Variants in FBH1 observed in about 807,000 individuals in gnomAD.
FBH1 encodes F-box DNA helicase 1, also known as DNA 3'-5' helicase 1.
A neutral mutation model predicts 115.5 loss-of-function variants in FBH1; 43 were observed. That is an observed-to-expected ratio of 0.37 (90% CI 0.29 to 0.48). FBH1 has a LOEUF of 0.48. FBH1 is among the 20% of genes least tolerant of loss of function. FBH1 has a pLI of 0.99. For missense variants in FBH1, 1,001 were observed against 1,337.3 expected, an observed-to-expected ratio of 0.75 and a Z score of 3.92; for synonymous variants, 524 against 507.8, an observed-to-expected ratio of 1.03 and a Z score of -0.43.
In FBH1 at chr10:5,937,170, G is replaced by A. The variant is rs1224521386; in HGVS notation, c.3022G>A (p.Gly1008Arg). The A allele has an allele frequency of 1.9e-6, 3 of 1,613,892 alleles. No individual in the cohort carries two copies. Among genetic ancestry groups the A allele is most frequent in the African/African-American group, 1.3e-5 (1 of 74,924 alleles). ...CCACTCCTGTGCGGAGCAGCGCATC[G>A]GGCCCCTGGCGTTCCTGACAGCCTC... The part of the protein sequence containing the change: ...LCHSCAEQRI[G>R]PLAFLTASPE... Residue 1008 changes from glycine to arginine, a missense_variant, in exon 21 of 21, where the codon GGG becomes AGG. Around this residue, in one of 4 missense-constraint regions of FBH1, gnomAD observed 521 missense variants for 811.0 expected, o/e 0.64. Transcript: ENST00000362091.
Position 5,913,631 on chromosome 10 carries a change from G to T in FBH1, c.1212-116G>T. 3.0e-6 allele frequency: 2 copies of T among 659,504 alleles called. No individual in the cohort carries two copies. The highest frequency in any genetic ancestry group is 5.1e-6 in the Non-Finnish European group (2 of 394,624). 40.9% of individuals were successfully genotyped at this position (659,504 alleles called of 1,614,324 possible). ...TTTTCTTTCTTTTTTCCATTAAATG[G>T]TGGTAGGTATTTTCTTTTTAGAAAT... On this transcript the variant is annotated intron_variant, in intron 6 of 20. Coordinates refer to ENST00000362091, the MANE Select transcript of FBH1 (RefSeq NM_178150.3). This position sits in a 1 kb window ranked among gnomAD's most constrained non-coding sequence, Gnocchi z 4.4.
At position 5,927,417 on chromosome 10, in the gene FBH1, C is replaced by T. The variant is rs1332725185; in HGVS notation, c.2723-18C>T. ...CTAAGGCTTTTTAGTTGATTTTTTT[C>T]CCCTTTACTTTGTTTAGAGTCATTT... On this transcript the variant is annotated intron_variant, in intron 18 of 20. Coordinates refer to ENST00000362091, the MANE Select transcript of FBH1 (RefSeq NM_178150.3). 2 of 1,571,330 alleles carry T rather than the reference C, an allele frequency of 1.3e-6. No homozygotes were observed. The highest frequency in any genetic ancestry group is 2.7e-5 in the African/African-American group (2 of 73,154).
intron 1 of FBH1, among the ~76,000 whole-genome samples, chr10:5,893,072 G>A (rs944857883): frequency 4.6e-5 from 7 of 152,348 alleles, no homozygotes; most frequent in South Asian, 2.1e-4. Context: ...TTGGGAGGCC[G>A]AGGCAGGTGT....
Position 5,918,380 on chromosome 10 carries a change from A to G in FBH1, c.2002A>G (p.Ile668Val). ...AGTTCTGTCTCAGCCATGTGGGAAA[A>G]TCTTTGTAGGGGACCCGCACCAGCA... The part of the protein sequence containing the change: ...NIVLSQPCGK[I>V]FVGDPHQQIY... Residue 668 changes from isoleucine (I) to valine (V), a missense_variant, in exon 13 of 21, where the codon ATC becomes GTC. By Grantham distance (29) the Ile-to-Val change is conservative. This residue lies in a region of FBH1 where 521 missense variants were observed against 811.0 expected (regional missense o/e 0.64). Coordinates refer to ENST00000362091, the MANE Select transcript of FBH1 (RefSeq NM_178150.3). This position sits in a 1 kb window ranked among gnomAD's most constrained non-coding sequence, Gnocchi z 4.0. The G allele has an allele frequency of 1.2e-6, 2 of 1,613,146 alleles. No homozygotes were observed. Among genetic ancestry groups the G allele is most frequent in the South Asian group, 1.1e-5 (1 of 90,910 alleles).
At chr10:5,892,121 T>G (rs974108224) in intron 1 of FBH1, among the ~76,000 whole-genome samples, 1 of 152,210 alleles carries the variant, frequency 6.6e-6, no homozygotes, top group Admixed American at 6.5e-5. Context: ...AGTAAGCTAA[T>G]GGATGGAGCT....
In FBH1 at chr10:5,921,612, T is replaced by C. The variant is rs756954153; in HGVS notation, c.2322+43T>C. 2 of 1,578,516 alleles carry C rather than the reference T, an allele frequency of 1.3e-6. No homozygotes were observed. Among genetic ancestry groups the C allele is most frequent in the Non-Finnish European group, 1.7e-6 (2 of 1,171,438 alleles). Reference sequence around the variant, plus strand: ...TTGACCACTTCATGCACAGAAACGTTGTAGACGAACATACCCAATGGAAAT... The same window carrying C: ...TTGACCACTTCATGCACAGAAACGTCGTAGACGAACATACCCAATGGAAAT... On this transcript the variant is annotated intron_variant, in intron 15 of 20. Transcript: ENST00000362091. This position sits in a 1 kb window ranked among gnomAD's most constrained non-coding sequence, Gnocchi z 6.4.
Position 5,914,042 on chromosome 10 carries a change from T to C in FBH1, c.1305-136T>C, listed in dbSNP as rs2131989059. On this transcript the variant is annotated intron_variant, in intron 7 of 20. Coordinates refer to ENST00000362091, the MANE Select transcript of FBH1 (RefSeq NM_178150.3). The surrounding 1 kb of genome is among the most constrained non-coding windows in gnomAD (Gnocchi z 5.2). Reference sequence around the variant, plus strand: ...ATCATAATCTAGCTTTAGAACATGTTTATTCTCGTAAGGGGAGGCCTTTTT... The same window carrying C: ...ATCATAATCTAGCTTTAGAACATGTCTATTCTCGTAAGGGGAGGCCTTTTT... The C allele has an allele frequency of 1.1e-6, 1 of 870,210 alleles. No homozygotes were observed. The highest frequency in any genetic ancestry group is 2.5e-5 in the East Asian group (1 of 40,566). 53.9% of individuals were successfully genotyped at this position (870,210 alleles called of 1,614,324 possible). A position where few individuals can be genotyped will look rare whatever the true frequency, so the allele number is the denominator to read the frequency against.
rs1843273036 is a variant in FBH1 at position 5,900,408 on chromosome 10, G to C, written c.2-2612G>C. Among the ~76,000 whole-genome samples, 1 of 152,254 alleles carries C rather than the reference G, an allele frequency of 6.6e-6. No homozygotes were observed. Among genetic ancestry groups the C allele is most frequent in the Non-Finnish European group, 1.5e-5 (1 of 68,054 alleles). ...TGCCCTGAAGCCATAGAGCAACCAA[G>C]TGGCCAGCTGAGGGTGCCAGCCCAG... On this transcript the variant is annotated intron_variant, in intron 1 of 20. Transcript: ENST00000362091. This position sits in a 1 kb window ranked among gnomAD's most constrained non-coding sequence, Gnocchi z 4.2.
chr10:5,906,109 A>G lies in FBH1; in HGVS notation c.230A>G (p.Lys77Arg). ...GKQPCTNDMA[K>R]SNSVGQDSCQ... Reference sequence around the variant, plus strand: ...CAGCCGTGCACCAATGACATGGCCAAAAGCAATTCTGTTGGCCAGGACAGC... The same window carrying G: ...CAGCCGTGCACCAATGACATGGCCAGAAGCAATTCTGTTGGCCAGGACAGC... Residue 77 changes from lysine to arginine, a missense_variant, in exon 3 of 21, where the codon AAA becomes AGA. By Grantham distance (26) the Lys-to-Arg change is conservative (BLOSUM62 2). Coordinates refer to ENST00000362091, the MANE Select transcript of FBH1 (RefSeq NM_178150.3). This position sits in a 1 kb window ranked among gnomAD's most constrained non-coding sequence, Gnocchi z 7.3. The G allele has an allele frequency of 1.9e-6, 3 of 1,614,172 alleles. No individual in the cohort carries two copies. The highest frequency in any genetic ancestry group is 2.5e-6 in the Non-Finnish European group (3 of 1,180,016).
At position 5,895,313 on chromosome 10, in the gene FBH1, G is replaced by A; in HGVS notation, c.1+4967G>A. ...GGTATTGTAGCAGTTTCTCCAGTCA[G>A]GTACCTTGTACTAGCGAGTCAACTT... On this transcript the variant is annotated intron_variant, in intron 1 of 20. Coordinates refer to ENST00000362091, the MANE Select transcript of FBH1 (RefSeq NM_178150.3). This position sits in a 1 kb window ranked among gnomAD's most constrained non-coding sequence, Gnocchi z 5.0. 2.0e-6 allele frequency: 2 copies of A among 998,824 alleles called. No homozygotes were observed. The highest frequency in any genetic ancestry group is 7.1e-5 in the Admixed American group (2 of 28,042). The allele number at this position is 998,824 out of a possible 1,614,324, so 61.9% of individuals were successfully genotyped here.
chr10:5,914,057 G>T lies in FBH1; in HGVS notation c.1305-121G>T, dbSNP rs1174752180. The T allele has an allele frequency of 1.0e-6, 1 of 953,702 alleles. No individual in the cohort carries two copies. The highest frequency in any genetic ancestry group is 1.6e-5 in the African/African-American group (1 of 60,716). 59.1% of individuals were successfully genotyped at this position (953,702 alleles called of 1,614,324 possible). A position where few individuals can be genotyped will look rare whatever the true frequency, so the allele number is the denominator to read the frequency against. ...TAGAACATGTTTATTCTCGTAAGGGGAGGCCTTTTTTTTGGTCAGCTTTTG... is the reference window on the plus strand; with the variant it reads ...TAGAACATGTTTATTCTCGTAAGGGTAGGCCTTTTTTTTGGTCAGCTTTTG... On this transcript the variant is annotated intron_variant, in intron 7 of 20. Coordinates refer to ENST00000362091, the MANE Select transcript of FBH1 (RefSeq NM_178150.3). The surrounding 1 kb of genome is among the most constrained non-coding windows in gnomAD (Gnocchi z 5.2).
intron 1 of FBH1, among the ~76,000 whole-genome samples, chr10:5,896,981 A>G (rs954545552): frequency 2.0e-5 from 3 of 152,202 alleles, no homozygotes; most frequent in Non-Finnish European, 1.5e-5. Flanking sequence ...AAAAAGGTAT[A>G]TTAATAAGAA....
chr10:5,917,768 A>G lies in FBH1; in HGVS notation c.1963+92A>G, dbSNP rs1832061275. The G allele has an allele frequency of 6.1e-6, 6 of 986,830 alleles. 1 individual carries two copies. In the South Asian group the frequency reaches 8.3e-5, roughly 14 times the overall value. The allele number at this position is 986,830 out of a possible 1,614,324, so 61.1% of individuals were successfully genotyped here. A position where few individuals can be genotyped will look rare whatever the true frequency, so the allele number is the denominator to read the frequency against. ...GACACCTGTGTGAACTAAGTTGATT[A>G]TTATTATTTGTGATAAAGAAGAGGA... On this transcript the variant is annotated intron_variant, in intron 12 of 20. Coordinates refer to ENST00000362091, the MANE Select transcript of FBH1 (RefSeq NM_178150.3). The surrounding 1 kb of genome is among the most constrained non-coding windows in gnomAD (Gnocchi z 5.6).
chr10:5,920,983 A>G (rs1387060684), intron 13 of FBH1, among the ~76,000 whole-genome samples: 1 of 152,230 alleles, frequency 6.6e-6, no homozygotes, highest in Non-Finnish European at 1.5e-5. Context: ...CCCGATCTTC[A>G]TCTTTTGTAT....
rs1833256418 is a variant in FBH1 at position 5,935,235 on chromosome 10, T to A, written c.2830-1221T>A. ...CAGGGAGTCAGGTACAGGATGTTCA[T>A]TGCTGCATTGTTGGAAATAGTTTGG... On this transcript the variant is annotated intron_variant, in intron 19 of 20. Coordinates refer to ENST00000362091, the MANE Select transcript of FBH1 (RefSeq NM_178150.3). This position sits in a 1 kb window ranked among gnomAD's most constrained non-coding sequence, Gnocchi z 5.2. 1 of 152,200 alleles carries A rather than the reference T, an allele frequency of 6.6e-6. No individual in the cohort carries two copies. The highest frequency in any genetic ancestry group is 1.5e-5 in the Non-Finnish European group (1 of 68,036). 9.4% of individuals were successfully genotyped at this position (152,200 alleles called of 1,614,324 possible). A position where few individuals can be genotyped will look rare whatever the true frequency, so the allele number is the denominator to read the frequency against.
rs913607004 is a variant in FBH1, at chr10:5,911,838, T to C, written c.1211+710T>C. On this transcript the variant is annotated intron_variant, in intron 6 of 20. Coordinates refer to ENST00000362091, the MANE Select transcript of FBH1 (RefSeq NM_178150.3). This position sits in a 1 kb window ranked among gnomAD's most constrained non-coding sequence, Gnocchi z 5.4. ...GCTTTAGAGGGGTGGAAAAAGCTTCTCTGAGCAGGTAGTGTCTGAGTGAAA... is the reference window on the plus strand; with the variant it reads ...GCTTTAGAGGGGTGGAAAAAGCTTCCCTGAGCAGGTAGTGTCTGAGTGAAA... 1.3e-5 allele frequency among the ~76,000 whole-genome samples: 2 copies of C among 152,160 alleles called. No homozygotes were observed. The highest frequency in any genetic ancestry group is 4.8e-5 in the African/African-American group (2 of 41,438).
Position 5,915,322 on chromosome 10 carries a change from C to A in FBH1, c.1397-81C>A. 6.8e-7 allele frequency: 1 copy of A among 1,466,056 alleles called. No homozygotes were observed. The highest frequency in any genetic ancestry group is 9.4e-7 in the Non-Finnish European group (1 of 1,069,258). The allele number at this position is 1,466,056 out of a possible 1,614,324, so 90.8% of individuals were successfully genotyped here. A position where few individuals can be genotyped will look rare whatever the true frequency, so the allele number is the denominator to read the frequency against. The stretch of plus-strand genomic sequence containing the variant: ...GCTCTCAAGACAGAGGTGTGATAAG[C>A]CTGGACAAGGCCTGATTGGGGATCC... On this transcript the variant is annotated intron_variant, in intron 8 of 20. Coordinates refer to ENST00000362091, the MANE Select transcript of FBH1 (RefSeq NM_178150.3). This position sits in a 1 kb window ranked among gnomAD's most constrained non-coding sequence, Gnocchi z 5.2.
At position 5,906,130 on chromosome 10, in the gene FBH1, A is replaced by G. The variant is rs574280209; in HGVS notation, c.251A>G (p.Asp84Gly). 6 of 1,614,192 alleles carry G rather than the reference A, an allele frequency of 3.7e-6. No homozygotes were observed. The African/African-American group carries it at 6.7e-5, about 18-fold the overall frequency. ...GCCAAAAGCAATTCTGTTGGCCAGGACAGCTGTCAGGACTCTGAGGGTGAC... is the reference window on the plus strand; with the variant it reads ...GCCAAAAGCAATTCTGTTGGCCAGGGCAGCTGTCAGGACTCTGAGGGTGAC... ...DMAKSNSVGQDSCQDSEGDMI... is the reference protein window; with the variant it reads ...DMAKSNSVGQGSCQDSEGDMI... The change falls in exon 3 of 21, where the codon GAC becomes GGC. Residue 84 changes from aspartate to glycine, a missense_variant. By Grantham distance (94) the Asp-to-Gly change is moderately conservative (BLOSUM62 -1). Transcript: ENST00000362091. The surrounding 1 kb of genome is among the most constrained non-coding windows in gnomAD (Gnocchi z 7.3).
chr10:5,921,699 G>C lies in FBH1; in HGVS notation c.2322+130G>C, dbSNP rs1373315175. ...TTGGGTTTTTGACTCTTTCCACCAG[G>C]CTGCACCATGAGTGGTCTCTATCCC... On this transcript the variant is annotated intron_variant, in intron 15 of 20. Transcript: ENST00000362091. The surrounding 1 kb of genome is among the most constrained non-coding windows in gnomAD (Gnocchi z 6.4). 123 of 1,231,344 alleles carry C rather than the reference G, an allele frequency of 1.0e-4. No individual in the cohort carries two copies. In the South Asian group the frequency reaches 1.9e-3, roughly 19 times the overall value. 76.3% of individuals were successfully genotyped at this position (1,231,344 alleles called of 1,614,324 possible).
Sources: gnomAD v4.1 joint callset for allele counts (sites outside exome capture counted in the v4.1 genomes callset) on GRCh38, gnomAD v4.1.1 for gene constraint, gnomAD v4.1.1 regional missense constraint, Gnocchi (gnomAD v3.1) non-coding constraint, MANE v1.5 for transcripts, NCBI Gene and HGNC (gene_info 2026-07-23, HGNC 2026-07-21) for gene names.